Variants in LOXL2 observed in about 807,000 individuals in gnomAD.
LOXL2 encodes lysyl oxidase homolog 2.
Under a neutral mutation model 93.0 loss-of-function variants are expected in LOXL2, and 70 were observed. The ratio of observed to expected loss-of-function variants is 0.75; its 90% CI spans 0.62 to 0.92. The LOEUF (loss-of-function observed/expected upper bound fraction) is 0.92. Ranked by LOEUF, LOXL2 falls within the 40% of genes least tolerant of loss-of-function variation. The probability of loss-of-function intolerance (pLI) is 0.00; values close to 1 mark genes in which losing one functional copy is unlikely to be tolerated. For synonymous variants in LOXL2, 438 were observed against 413.2 expected, an observed-to-expected ratio of 1.06 and a Z score of -0.73; for missense variants, 973 against 1,054.9, an observed-to-expected ratio of 0.92 and a Z score of 1.08.
At chr8:23,310,011 G>T in intron 9 of LOXL2, 100 bp from the exon 10 acceptor site, 25 of 1,294,506 alleles carry the variant, frequency 1.9e-5, no homozygotes, top group Non-Finnish European at 2.5e-5. Flanking sequence ...CCTGCCTACC[G>T]CCACCTTCTG....
intron 1 of LOXL2, among the ~76,000 whole-genome samples, chr8:23,400,972 T>C (rs1321704189): frequency 6.6e-6 from 1 of 152,068 alleles, no homozygotes; most frequent in Non-Finnish European, 1.5e-5. Context: ...TGACAGCAGG[T>C]GTATAGGAAG....
At chr8:23,308,789 C>A (rs1005792611) in intron 10 of LOXL2, among the ~76,000 whole-genome samples, 41 of 152,124 alleles carry the variant, frequency 2.7e-4, no homozygotes, top group African/African-American at 9.7e-4. Flanking sequence ...GGTCCACAGA[C>A]TGACAGAGCT....
At chr8:23,388,760 C>T (rs1234837819) in intron 1 of LOXL2, among the ~76,000 whole-genome samples, 3 of 151,750 alleles carry the variant, frequency 2.0e-5, no homozygotes, top group Non-Finnish European at 4.4e-5. Context: ...ATACTGTATA[C>T]ATTAGGTATG....
chr8:23,389,223 A>G (rs1804807478), intron 1 of LOXL2, among the ~76,000 whole-genome samples: 1 of 152,194 alleles, frequency 6.6e-6, no homozygotes, highest in South Asian at 2.1e-4. Context: ...TCCTTTTCTT[A>G]GGCTACTACC....
intron 1 of LOXL2, among the ~76,000 whole-genome samples, chr8:23,403,233 C>A (rs970557985): frequency 1.5e-4 from 23 of 152,174 alleles, no homozygotes; most frequent in Non-Finnish European, 2.9e-4. Context: ...TGGGTTCGCT[C>A]GTGCCCGTTC....
chr8:23,328,736 T>TGTGTGTGTGTGTGTGTCGTGG, intron 5 of LOXL2, 171 bp from the exon 6 acceptor site: 1 of 634,154 alleles, frequency 1.6e-6, no homozygotes. Flanking sequence ...TGTGTGTGTG[T>TGTGTGTGTGTGTGTGTCGTGG]GTGTGTGTGT....
At chr8:23,364,359 CAAG>C (rs979146738) in intron 2 of LOXL2, 1 of 152,200 alleles carries the variant, frequency 6.6e-6, no homozygotes, top group African/African-American at 2.4e-5. Context: ...ACTTTGGACA[CAAG>C]AAAGCCATTC....
In LOXL2 at chr8:23,328,565, G is replaced by A; in HGVS notation, c.967C>T (p.Gln323Ter). Residue 323 changes from glutamine (Q) to a stop codon, truncating the protein, a stop_gained and splice_region_variant, in exon 6 of 14, where the codon CAA becomes TAA. Transcript: ENST00000389131. LOFTEE classifies it high-confidence loss of function. ...SRFRKAYKPE[Q>*]PLVRLRGGAY... ...CCGCCTCTCAGTCGCACCAGGGGTT[G>A]CTGAAGAGACACACGGTCCTGCTGA... is the stretch of plus-strand genomic sequence containing the variant. The A allele has an allele frequency of 6.2e-7, 1 of 1,613,754 alleles. No homozygotes were observed. The highest frequency in any genetic ancestry group is 8.5e-7 in the Non-Finnish European group (1 of 1,180,018).
intron 8 of LOXL2, among the ~76,000 whole-genome samples, chr8:23,318,083 A>T (rs1803431512): frequency 6.6e-6 from 1 of 151,874 alleles, no homozygotes; most frequent in South Asian, 2.1e-4. Flanking sequence ...TTTAGATGAG[A>T]TTAACATTTT....
At position 23,302,056 on chromosome 8, in the gene LOXL2, C is replaced by T; in HGVS notation, c.2104G>A (p.Asp702Asn). ...AACAGGTAGTCTCCAGGGGGCACGT[C>T]AGTGATGTCAACCCACTGGCAGTCG... ...DIDCQWVDIT[D>N]VPPGDYLFQV... Residue 702 changes from aspartate to asparagine, a missense_variant, in exon 12 of 14, where the codon GAC becomes AAC. Coordinates refer to ENST00000389131, the MANE Select transcript of LOXL2 (RefSeq NM_002318.3). 1 of 1,614,182 alleles carries T rather than the reference C, an allele frequency of 6.2e-7. No homozygotes were observed. The highest frequency in any genetic ancestry group is 8.5e-7 in the Non-Finnish European group (1 of 1,180,020).
At chr8:23,353,696 C>A (rs1241042891) in intron 3 of LOXL2, among the ~76,000 whole-genome samples, 1 of 152,206 alleles carries the variant, frequency 6.6e-6, no homozygotes, top group African/African-American at 2.4e-5. Context: ...TAACCCAGGG[C>A]AGCACTTCGA....
rs77808758 is a variant in LOXL2, at chr8:23,342,189, C to A, written c.532-986G>T. ...CCACCTAGACCTGAGTCCCAGGGAT[C>A]GGGCAGGAGAGGGGGCCTCAAGAGG... On this transcript the variant is annotated intron_variant, in intron 3 of 13. Coordinates refer to ENST00000389131, the MANE Select transcript of LOXL2 (RefSeq NM_002318.3). 2.6e-4 allele frequency among the ~76,000 whole-genome samples: 39 copies of A among 152,166 alleles called. 1 individual carries two copies. Among genetic ancestry groups the A allele is most frequent in the African/African-American group, 8.9e-4 (37 of 41,532 alleles).
chr8:23,330,546 C>A (rs1445468088), intron 5 of LOXL2, among the ~76,000 whole-genome samples: 1 of 152,070 alleles, frequency 6.6e-6, no homozygotes, highest in East Asian at 1.9e-4. Flanking sequence ...TCGCCCCAGC[C>A]CAGCTATGGC....
intron 10 of LOXL2, among the ~76,000 whole-genome samples, chr8:23,306,786 G>C (rs1367157047): frequency 6.6e-6 from 1 of 152,390 alleles, no homozygotes; most frequent in South Asian, 2.1e-4. Context: ...GGAGCCTGTT[G>C]TGCATCTGTG....
At chr8:23,368,571 A>G (rs1189214239) in intron 1 of LOXL2, 137 bp from the exon 2 acceptor site, 1 of 586,738 alleles carries the variant, frequency 1.7e-6, no homozygotes, top group East Asian at 2.9e-5. Context: ...CCACTCCTAC[A>G]TTTCCACCAT....
intron 9 of LOXL2, among the ~76,000 whole-genome samples, chr8:23,312,164 A>G (rs1246081630): frequency 6.6e-6 from 1 of 152,108 alleles, no homozygotes; most frequent in Non-Finnish European, 1.5e-5. Context: ...TCAATAGCTT[A>G]CCAACCAAAA....
chr8:23,343,034 A>T (rs780760346), intron 3 of LOXL2, among the ~76,000 whole-genome samples: 4 of 152,178 alleles, frequency 2.6e-5, no homozygotes, highest in African/African-American at 7.2e-5. Flanking sequence ...TACAGGTATG[A>T]GGCACTGCAG....
chr8:23,302,298 T>G (rs1228135871), intron 11 of LOXL2, 135 bp from the exon 12 acceptor site: 1 of 1,025,464 alleles, frequency 9.8e-7, no homozygotes, highest in Non-Finnish European at 1.4e-6. Context: ...GCTGCTCATC[T>G]GTTCTCATTT....
chr8:23,316,015 G>T (rs1803396335), intron 9 of LOXL2, among the ~76,000 whole-genome samples: 1 of 152,204 alleles, frequency 6.6e-6, no homozygotes, highest in Non-Finnish European at 1.5e-5. Context: ...CTCTCACAAG[G>T]ATGTGATAGC....
Sources: gnomAD v4.1 joint callset for allele counts (sites outside exome capture counted in the v4.1 genomes callset) on GRCh38, gnomAD v4.1.1 for gene constraint, MANE v1.5 for transcripts, NCBI Gene and HGNC (gene_info 2026-07-23, HGNC 2026-07-21) for gene names.